The following PRMT8 variants were observed in gnomAD, a reference collection of about 807,000 sequenced individuals.
PRMT8 encodes the protein protein arginine methyltransferase 8.
In PRMT8, 7 loss-of-function variants were observed where a neutral mutation model predicts 47.1. The ratio of observed to expected loss-of-function variants is 0.15; its 90% CI spans 0.08 to 0.28. The LOEUF is 0.28. Among genes scored for constraint, PRMT8 ranks in the 10% least tolerant of loss-of-function variants. The pLI is 1.00. For synonymous variants in PRMT8, 188 were observed against 186.5 expected, an observed-to-expected ratio of 1.01 and a Z score of -0.07; for missense variants, 237 against 505.4, an observed-to-expected ratio of 0.47 and a Z score of 5.09.
At chr12:3,588,549 C>T (rs1032540854) in intron 8 of PRMT8, among the ~76,000 whole-genome samples, 3 of 152,112 alleles carry the variant, frequency 2.0e-5, no homozygotes, top group Non-Finnish European at 1.5e-5. Context: ...GCTGTATGAT[C>T]GGGGGAGGAG....
chr12:3,461,891 CAAAA>C (rs1040559456), intron 1 of PRMT8, among the ~76,000 whole-genome samples: 6 of 151,996 alleles, frequency 3.9e-5, no homozygotes, highest in Non-Finnish European at 5.9e-5. Context: ...AAAACCAAAA[CAAAA>C]CAAAAATAAC....
intron 1 of PRMT8, among the ~76,000 whole-genome samples, chr12:3,435,081 GCCTGAGCCTC>G (rs1250525063): frequency 1.3e-5 from 2 of 149,990 alleles, no homozygotes; most frequent in Non-Finnish European, 2.9e-5. Flanking sequence ...CGATTCTCCT[GCCTGAGCCTC>G]CCAAGTATCT....
At position 3,493,254 on chromosome 12, in the gene PRMT8, T is replaced by G. The variant is rs1865452125; in HGVS notation, c.75+1554T>G. Among the ~76,000 whole-genome samples, 1 of 152,126 alleles carries G rather than the reference T, an allele frequency of 6.6e-6. No individual in the cohort carries two copies. The highest frequency in any genetic ancestry group is 1.5e-5 in the Non-Finnish European group (1 of 68,032). On this transcript the variant is annotated intron_variant, in intron 1 of 9. Coordinates refer to ENST00000382622, the MANE Select transcript of PRMT8 (RefSeq NM_019854.5). The surrounding 1 kb of genome is among the most constrained non-coding windows in gnomAD (Gnocchi z 8.2). ...CCCACCTGAGAGCAGACATTCGGAA[T>G]GATGTGTAGTGCGAGGCGGCTAGCC... is the stretch of plus-strand genomic sequence containing the variant.
intron 4 of PRMT8, among the ~76,000 whole-genome samples, chr12:3,563,156 G>A (rs1866664770): frequency 6.6e-6 from 1 of 151,998 alleles, no homozygotes; most frequent in African/African-American, 2.4e-5. Context: ...GATTCACTGA[G>A]TACTCCAGCC....
intron 1 of PRMT8, among the ~76,000 whole-genome samples, chr12:3,505,830 C>T (rs1451312109): frequency 1.3e-5 from 2 of 152,286 alleles, no homozygotes; most frequent in African/African-American, 4.8e-5. Context: ...TACACTTCCA[C>T]GTGTGGAAAC....
chr12:3,574,877 G>A (rs1428144074), intron 6 of PRMT8, among the ~76,000 whole-genome samples: 1 of 152,232 alleles, frequency 6.6e-6, no homozygotes, highest in Non-Finnish European at 1.5e-5. Context: ...AGTCCAGGGA[G>A]AAAAGAGCAG....
chr12:3,554,647 G>C (rs555013616), intron 4 of PRMT8, among the ~76,000 whole-genome samples: 1 of 152,322 alleles, frequency 6.6e-6, no homozygotes, highest in Non-Finnish European at 1.5e-5. Context: ...AGCTGGGAGG[G>C]AAGGACGTTC....
At chr12:3,592,460 T>C in intron 9 of PRMT8, 108 bp downstream of exon 9, 1 of 1,273,218 alleles carries the variant, frequency 7.9e-7, no homozygotes, top group Non-Finnish European at 1.1e-6. Context: ...AGTCAGAAAC[T>C]TACTGAGGCA....
chr12:3,457,745 A>T (rs138505806), intron 1 of PRMT8, among the ~76,000 whole-genome samples: 146 of 152,264 alleles, frequency 9.6e-4, no homozygotes, highest in Middle Eastern at 3.4e-3. Flanking sequence ...GCGAAGAATA[A>T]TGTAGGAAAC....
chr12:3,396,383 C>T (rs1864248869), intron 1 of PRMT8, among the ~76,000 whole-genome samples: 1 of 152,176 alleles, frequency 6.6e-6, no homozygotes, highest in Non-Finnish European at 1.5e-5. Context: ...GCGCTTCCTT[C>T]AGGAGCTCTT....
chr12:3,554,836 A>G (rs1866497051), intron 4 of PRMT8, among the ~76,000 whole-genome samples: 1 of 152,074 alleles, frequency 6.6e-6, no homozygotes, highest in Admixed American at 6.5e-5. Context: ...TGCTCTATGG[A>G]TGCAGCCCTT....
rs952817251 is a variant in PRMT8 at position 3,580,153 on chromosome 12, C to T, written c.829-2905C>T. Among the ~76,000 whole-genome samples, 6 of 152,284 alleles carry T rather than the reference C, an allele frequency of 3.9e-5. No homozygotes were observed. The highest frequency in any genetic ancestry group is 2.1e-4 in the South Asian group (1 of 4,816). On this transcript the variant is annotated intron_variant, in intron 7 of 9. Coordinates refer to ENST00000382622, the MANE Select transcript of PRMT8 (RefSeq NM_019854.5). The surrounding 1 kb of genome is among the most constrained non-coding windows in gnomAD (Gnocchi z 4.6). Reference sequence around the variant, plus strand: ...CCCTTATTGTTGCCATTATAATGTGCGGCTTCAATACTTTTGGTCCTAAAG... The same window carrying T: ...CCCTTATTGTTGCCATTATAATGTGTGGCTTCAATACTTTTGGTCCTAAAG...
At chr12:3,544,353 A>G (rs1866288102) in intron 2 of PRMT8, among the ~76,000 whole-genome samples, 1 of 152,206 alleles carries the variant, frequency 6.6e-6, no homozygotes, top group Non-Finnish European at 1.5e-5. Context: ...TGGGACCTCC[A>G]GGAAAGGAGA....
At chr12:3,470,256 C>A (rs1378722847) in intron 1 of PRMT8, among the ~76,000 whole-genome samples, 1 of 152,170 alleles carries the variant, frequency 6.6e-6, no homozygotes, top group African/African-American at 2.4e-5. Flanking sequence ...GGGGCCGAGT[C>A]AGAGGGTGTC....
rs1866105350 is a variant in PRMT8 at position 3,535,655 on chromosome 12, C to A, written c.76-4951C>A. On this transcript the variant is annotated intron_variant, in intron 1 of 9. Coordinates refer to ENST00000382622, the MANE Select transcript of PRMT8 (RefSeq NM_019854.5). This position sits in a 1 kb window ranked among gnomAD's most constrained non-coding sequence, Gnocchi z 4.7. Reference sequence around the variant, plus strand: ...CGACTCCAGGGCAGAGCAGGCAGGGCCAGACCTCCAGGGTGATGTGGGCAC... The same window carrying A: ...CGACTCCAGGGCAGAGCAGGCAGGGACAGACCTCCAGGGTGATGTGGGCAC... Among the ~76,000 whole-genome samples, 1 of 152,060 alleles carries A rather than the reference C, an allele frequency of 6.6e-6. No individual in the cohort carries two copies. Among genetic ancestry groups the A allele is most frequent in the African/African-American group, 2.4e-5 (1 of 41,376 alleles).
intron 8 of PRMT8, among the ~76,000 whole-genome samples, chr12:3,586,538 G>A (rs1867178100): frequency 1.3e-5 from 2 of 152,228 alleles, no homozygotes; most frequent in South Asian, 2.1e-4. Flanking sequence ...CCTTGGGGAA[G>A]TGGTTCTCAA....
chr12:3,467,273 G>A lies in PRMT8; in HGVS notation c.49-73333G>A, dbSNP rs112215866. 9.1e-3 allele frequency among the ~76,000 whole-genome samples: 1,362 copies of A among 149,764 alleles called. 28 individuals carry two copies. Among genetic ancestry groups the A allele is most frequent in the African/African-American group, 0.031 (1,268 of 40,680 alleles). On this transcript the variant is annotated intron_variant, in intron 1 of 9. Transcript: ENST00000452611. ...AAAAAAAAAAAAAAAAAGAAATGTG[G>A]CAGAAACATAAGATGAGTTCACACG...
chr12:3,570,488 C>T lies in PRMT8; in HGVS notation c.712+924C>T, dbSNP rs76743431. Among the ~76,000 whole-genome samples, 20 of 152,284 alleles carry T rather than the reference C, an allele frequency of 1.3e-4. No homozygotes were observed. The East Asian group carries it at 3.3e-3, about 25-fold the overall frequency. On this transcript the variant is annotated intron_variant, in intron 6 of 9. Coordinates refer to ENST00000382622, the MANE Select transcript of PRMT8 (RefSeq NM_019854.5). The surrounding 1 kb of genome is among the most constrained non-coding windows in gnomAD (Gnocchi z 5.5). ...CTATCCATCAGACTGGGCACATCTG[C>T]GGTTCCTGCCCCAACAGGGTGGTCC...
In PRMT8 at chr12:3,451,033, A is replaced by ACCCCCCCCCCCCCCCCCCCCCC. The variant is rs71061115; in HGVS notation, c.48+69592_48+69613dup. 7.7e-5 allele frequency among the ~76,000 whole-genome samples: 2 copies of ACCCCCCCCCCCCCCCCCCCCCC among 26,088 alleles called. 1 individual carries two copies. The highest frequency in any genetic ancestry group is 3.1e-4 in the African/African-American group (2 of 6,472). 17.1% of individuals were successfully genotyped at this position (26,088 alleles called of 152,430 possible). ...TGAAAGCAGTTTTGATCTTGCTGAC[A>ACCCCCCCCCCCCCCCCCCCCCC]CCCCCCCCCCCCCCCCCCCCCCGCC... is the stretch of plus-strand genomic sequence containing the variant. On this transcript the variant is annotated intron_variant, in intron 1 of 9. Transcript: ENST00000452611.
Sources: gnomAD v4.1 joint callset for allele counts (sites outside exome capture counted in the v4.1 genomes callset) on GRCh38, gnomAD v4.1.1 for gene constraint, Gnocchi (gnomAD v3.1) non-coding constraint, MANE v1.5 for transcripts, NCBI Gene and HGNC (gene_info 2026-07-23, HGNC 2026-07-21) for gene names.